ADAM12: variants seen among roughly 807,000 people sequenced by gnomAD.
ADAM12 encodes the protein disintegrin and metalloproteinase domain-containing protein 12.
Under a neutral mutation model 106.4 loss-of-function variants are expected in ADAM12, and 70 were observed. The ratio of observed to expected loss-of-function variants is 0.66; its 90% CI spans 0.54 to 0.80. The LOEUF (loss-of-function observed/expected upper bound fraction) is 0.80. Among genes scored for constraint, ADAM12 ranks in the 30% least tolerant of loss-of-function variants. The pLI, the probability that ADAM12 is intolerant of heterozygous loss-of-function variation, is 0.00. For missense variants in ADAM12, 1,010 were observed against 1,171.9 expected, an observed-to-expected ratio of 0.86 and a Z score of 2.02; for synonymous variants, 420 against 433.5, an observed-to-expected ratio of 0.97 and a Z score of 0.39.
At chr10:126,035,556 A>T (rs1954044034) in intron 21 of ADAM12, among the ~76,000 whole-genome samples, 1 of 152,184 alleles carries the variant, frequency 6.6e-6, no homozygotes, top group Non-Finnish European at 1.5e-5. Flanking sequence ...ATTACCAGTG[A>T]TTATCTCCTA....
chr10:126,024,222 T>C (rs1953825618), intron 21 of ADAM12, among the ~76,000 whole-genome samples: 1 of 152,210 alleles, frequency 6.6e-6, no homozygotes, highest in Admixed American at 6.5e-5. Context: ...TTGAAAACAT[T>C]AAGCAAACTT....
At chr10:126,078,697 C>T (rs1435531194) in intron 11 of ADAM12, among the ~76,000 whole-genome samples, 1 of 151,932 alleles carries the variant, frequency 6.6e-6, no homozygotes, top group African/African-American at 2.4e-5. Context: ...TAATATTTTT[C>T]TTCTTTTATA....
In ADAM12 at chr10:126,043,215, A is replaced by G. The variant is rs947306225; in HGVS notation, c.1996-67T>C. On this transcript the variant is annotated intron_variant, in intron 17 of 22. Transcript: ENST00000448723. The surrounding 1 kb of genome is among the most constrained non-coding windows in gnomAD (Gnocchi z 4.1). Reference sequence around the variant, plus strand: ...CTCTGTGCATCACCACAGCAGAAGCAAGGGGGGCCATGGTCAGAGCCCCCC... The same window carrying G: ...CTCTGTGCATCACCACAGCAGAAGCGAGGGGGGCCATGGTCAGAGCCCCCC... 1.7e-5 allele frequency: 24 copies of G among 1,451,502 alleles called. No homozygotes were observed. The highest frequency in any genetic ancestry group is 2.1e-5 in the Non-Finnish European group (22 of 1,051,022). The allele number at this position is 1,451,502 out of a possible 1,614,324, so 89.9% of individuals were successfully genotyped here.
At chr10:126,113,687 A>AAAATATATAT (rs1955920039) in intron 6 of ADAM12, among the ~76,000 whole-genome samples, 1 of 24,130 alleles carries the variant, frequency 4.1e-5, no homozygotes, top group Non-Finnish European at 6.5e-5. Context: ...AAAAAAAAAA[A>AAAATATATAT]ATATATATAT....
At chr10:126,051,680 G>T (rs562309323) in intron 14 of ADAM12, among the ~76,000 whole-genome samples, 9 of 152,070 alleles carry the variant, frequency 5.9e-5, no homozygotes, top group Middle Eastern at 3.4e-3. Context: ...CAGCCAGCCA[G>T]CCAGCCAGCC....
chr10:126,318,057 C>G (rs1433058571), intron 2 of ADAM12, among the ~76,000 whole-genome samples: 1 of 152,124 alleles, frequency 6.6e-6, no homozygotes, highest in South Asian at 2.1e-4. Flanking sequence ...TAGCAGTGAG[C>G]CTATCTAGTA....
At chr10:126,351,545 C>T (rs947864722) in intron 1 of ADAM12, among the ~76,000 whole-genome samples, 2 of 152,196 alleles carry the variant, frequency 1.3e-5, no homozygotes, top group African/African-American at 2.4e-5. Flanking sequence ...TGACTCCTTG[C>T]GACAGAGACT....
chr10:126,221,374 A>G (rs2133852866), intron 3 of ADAM12, among the ~76,000 whole-genome samples: 1 of 141,038 alleles, frequency 7.1e-6, no homozygotes, highest in East Asian at 2.1e-4. Context: ...TGGGCAACAG[A>G]GCAAGACTCT....
intron 11 of ADAM12, among the ~76,000 whole-genome samples, chr10:126,075,752 T>A (rs1341140195): frequency 1.3e-5 from 2 of 152,046 alleles, no homozygotes; most frequent in Non-Finnish European, 2.9e-5. Flanking sequence ...TGGGAAACAG[T>A]CTGCTCTTCC....
At chr10:126,233,189 C>T (rs931696742) in intron 3 of ADAM12, among the ~76,000 whole-genome samples, 1 of 152,020 alleles carries the variant, frequency 6.6e-6, no homozygotes, top group South Asian at 2.1e-4. Context: ...GAAGAACAGC[C>T]AAGGGCAGAA....
rs561807639 is a variant in ADAM12 at position 126,142,893 on chromosome 10, T to C, written c.340-7233A>G. Among the ~76,000 whole-genome samples the C allele has an allele frequency of 7.9e-5, 12 of 152,004 alleles. 1 individual carries two copies. The East Asian group carries it at 1.5e-3, about 20-fold the overall frequency. ...TGTGTATGTGGGCACGTGCGTATAT[T>C]TGTGTGTGTGCATGTGCATGGGTAT... On this transcript the variant is annotated intron_variant, in intron 4 of 22. Coordinates refer to ENST00000448723, the MANE Select transcript of ADAM12 (RefSeq NM_001288973.2).
At chr10:126,339,716 A>ATATC (rs1854849930) in intron 1 of ADAM12, among the ~76,000 whole-genome samples, 1 of 152,134 alleles carries the variant, frequency 6.6e-6, no homozygotes, top group Non-Finnish European at 1.5e-5. Flanking sequence ...TATGGCTAAG[A>ATATC]TGGAGTGAGA....
At chr10:126,209,853 A>G (rs575545447) in intron 3 of ADAM12, among the ~76,000 whole-genome samples, 1 of 152,202 alleles carries the variant, frequency 6.6e-6, no homozygotes. Context: ...ACGACTCAAT[A>G]GATTTAGAGG....
chr10:126,019,882 G>C lies in ADAM12; in HGVS notation c.2530-57C>G. ...TTACCAGGAGCCAGCAGAGGCCCCT[G>C]AGAAGCAGGGCCTGCCGCTTGGCAC... On this transcript the variant is annotated intron_variant, in intron 21 of 22. Transcript: ENST00000448723. 5.2e-6 allele frequency: 8 copies of C among 1,535,390 alleles called. No homozygotes were observed. In the South Asian group the frequency reaches 9.8e-5, roughly 19 times the overall value.
At chr10:126,259,461 C>G (rs148738279) in intron 3 of ADAM12, among the ~76,000 whole-genome samples, 1 of 152,152 alleles carries the variant, frequency 6.6e-6, no homozygotes, top group Non-Finnish European at 1.5e-5. Context: ...CTGAAAAGAG[C>G]GATCACATGC....
intron 1 of ADAM12, among the ~76,000 whole-genome samples, chr10:126,378,959 C>T (rs552804817): frequency 1.7e-4 from 26 of 152,226 alleles, no homozygotes; most frequent in African/African-American, 3.9e-4. Flanking sequence ...TTTCCATAGG[C>T]GGACAACAGC....
intron 3 of ADAM12, among the ~76,000 whole-genome samples, chr10:126,206,423 A>G (rs888778732): frequency 6.6e-6 from 1 of 152,182 alleles, no homozygotes; most frequent in South Asian, 2.1e-4. Context: ...TTCAAACACA[A>G]GCGTCAAAGT....
At chr10:126,293,706 A>T (rs1960252602) in intron 2 of ADAM12, among the ~76,000 whole-genome samples, 2 of 152,236 alleles carry the variant, frequency 1.3e-5, no homozygotes, top group South Asian at 4.2e-4. Context: ...TTTTTAGTAC[A>T]GACAGGGTTG....
chr10:126,072,881 C>T (rs969715499), intron 11 of ADAM12, among the ~76,000 whole-genome samples: 1 of 152,142 alleles, frequency 6.6e-6, no homozygotes, highest in Non-Finnish European at 1.5e-5. Flanking sequence ...AACTGGATCT[C>T]AATCAATTGG....
Sources: allele counts gnomAD v4.1 joint callset (sites outside exome capture counted in the v4.1 genomes callset), GRCh38; gene constraint gnomAD v4.1.1; non-coding constraint Gnocchi (gnomAD v3.1); transcripts MANE v1.5; gene names NCBI Gene and HGNC (gene_info 2026-07-23, HGNC 2026-07-21).